The following GPR19 variants were observed in gnomAD, a reference collection of about 807,000 sequenced individuals.
GPR19 encodes probable G protein-coupled receptor 19.
A neutral mutation model predicts 28.5 loss-of-function variants in GPR19; 14 were observed. The observed-to-expected ratio is 0.49, with a 90% CI of 0.32 to 0.77. GPR19 has a LOEUF of 0.77. Ranked by LOEUF, GPR19 falls within the 30% of genes least tolerant of loss-of-function variation. The pLI is 0.03. For missense variants in GPR19, 409 were observed against 504.1 expected (o/e 0.81, Z 1.81); for synonymous variants, 173 against 184.1 (o/e 0.94, Z 0.49).
chr12:12,707,136 C>CA, the GPR19 span, among the ~76,000 whole-genome samples: 3 of 152,192 alleles, frequency 2.0e-5, no homozygotes, highest in Admixed American at 2.0e-4. Flanking sequence ...CTATCCCAGA[C>CA]ACATTCCTAC....
chr12:12,680,892 T>A (rs759998093), intron 3 of GPR19, among the ~76,000 whole-genome samples: 5 of 152,174 alleles, frequency 3.3e-5, no homozygotes, highest in African/African-American at 4.8e-5. Context: ...TTTCAGCATG[T>A]TGGCCAGGCT....
intron 3 of GPR19, among the ~76,000 whole-genome samples, chr12:12,678,073 CAAAAAAA>C (rs56014911): frequency 8.5e-4 from 39 of 46,138 alleles, no homozygotes; most frequent in Admixed American, 5.7e-3. Context: ...GACTCTGTCT[CAAAAAAA>C]AAAAAAAAAA....
chr12:12,664,124 G>A (rs1277654923), intron 3 of GPR19, among the ~76,000 whole-genome samples: 3 of 152,020 alleles, frequency 2.0e-5, no homozygotes, highest in Non-Finnish European at 2.9e-5. Flanking sequence ...CGAGTAGTTG[G>A]GACTAGAGGC....
At chr12:12,707,125 A>C in the GPR19 span, among the ~76,000 whole-genome samples, 7 of 152,120 alleles carry the variant, frequency 4.6e-5, no homozygotes, top group African/African-American at 1.7e-4. Context: ...TTGTCCCTCA[A>C]CTATCCCAGA....
intron 3 of GPR19, among the ~76,000 whole-genome samples, chr12:12,677,640 T>C (rs1441864349): frequency 2.6e-5 from 4 of 152,194 alleles, no homozygotes; most frequent in Admixed American, 2.6e-4. Flanking sequence ...TGTGACTATA[T>C]GAAAACATGG....
the GPR19 span, among the ~76,000 whole-genome samples, chr12:12,713,293 G>C: frequency 6.6e-6 from 1 of 151,944 alleles, no homozygotes; most frequent in Non-Finnish European, 1.5e-5. Flanking sequence ...TTGAACTCCT[G>C]ACCTCAAGTG....
At chr12:12,704,172 G>A in the GPR19 span, among the ~76,000 whole-genome samples, 1 of 152,190 alleles carries the variant, frequency 6.6e-6, no homozygotes, top group African/African-American at 2.4e-5. Flanking sequence ...GTTAAGGGTT[G>A]TAATACTTAA....
chr12:12,665,812 T>A (rs1387338991), intron 3 of GPR19, among the ~76,000 whole-genome samples: 3 of 80,978 alleles, frequency 3.7e-5, no homozygotes, highest in Admixed American at 2.3e-4. Context: ...AAAGCCAGAC[T>A]CCGTCTCAAA....
the GPR19 span, among the ~76,000 whole-genome samples, chr12:12,710,139 G>A: frequency 1.3e-5 from 2 of 152,170 alleles, no homozygotes; most frequent in Admixed American, 6.5e-5. Context: ...ATCACCTGAG[G>A]TCAGGAGTTC....
Position 12,661,543 on chromosome 12 carries a change from T to C in GPR19, c.906A>G (p.Glu302=). 6.2e-7 allele frequency: 1 copy of C among 1,613,832 alleles called. No individual in the cohort carries two copies. Among genetic ancestry groups the C allele is most frequent in the East Asian group, 2.2e-5 (1 of 44,886 alleles). ...FHVAQLWHPH[E]QDYKKSSLVF... ...CAAGGGAACTTTTCTTATAGTCTTG[T>C]TCATGGGGGTGCCATAGCTGAGCTA... The change falls in exon 4 of 4, where the codon GAA becomes GAG. Residue 302 remains glutamate (E), a synonymous_variant. Coordinates refer to ENST00000651487, the MANE Select transcript of GPR19 (RefSeq NM_006143.3). The surrounding 1 kb of genome is among the most constrained non-coding windows in gnomAD (Gnocchi z 4.2).
intron 3 of GPR19, among the ~76,000 whole-genome samples, chr12:12,681,588 C>T (rs1242623298): frequency 6.6e-6 from 1 of 152,108 alleles, no homozygotes; most frequent in Non-Finnish European, 1.5e-5. Flanking sequence ...TCTGAGAAGC[C>T]CTGCATGTGT....
At chr12:12,712,799 C>T in the GPR19 span, among the ~76,000 whole-genome samples, 1 of 152,058 alleles carries the variant, frequency 6.6e-6, no homozygotes, top group African/African-American at 2.4e-5. Context: ...TTCTGAGTTG[C>T]TGGGGCTACA....
intron 2 of GPR19, among the ~76,000 whole-genome samples, chr12:12,685,709 C>G (rs748795984): frequency 4.6e-5 from 7 of 152,182 alleles, no homozygotes; most frequent in Non-Finnish European, 5.9e-5. Flanking sequence ...AATAGTTACT[C>G]TCCCCATCCT....
chr12:12,695,575 C>G (rs1946249343), intron 1 of GPR19, 64 bp from the exon 2 acceptor site: 1 of 152,250 alleles, frequency 6.6e-6, no homozygotes, highest in Non-Finnish European at 1.5e-5. Flanking sequence ...TTCCTGACTT[C>G]TGTTACCGCG....
At chr12:12,680,791 C>T (rs752362455) in intron 3 of GPR19, among the ~76,000 whole-genome samples, 4 of 152,218 alleles carry the variant, frequency 2.6e-5, no homozygotes, top group East Asian at 3.9e-4. Context: ...CGGGTTCAAG[C>T]GATTCTCCTG....
the GPR19 span, among the ~76,000 whole-genome samples, chr12:12,712,827 C>G: frequency 6.6e-6 from 1 of 152,132 alleles, no homozygotes; most frequent in Non-Finnish European, 1.5e-5. Flanking sequence ...GCCACCAGGC[C>G]TGGTTCCAAC....
the GPR19 span, among the ~76,000 whole-genome samples, chr12:12,701,775 G>A: frequency 3.3e-5 from 5 of 151,918 alleles, no homozygotes; most frequent in Non-Finnish European, 2.9e-5. Flanking sequence ...TACAAAATAT[G>A]AAAACTTTAG....
At position 12,692,311 on chromosome 12, in the gene GPR19, C is replaced by T. The variant is rs563780056; in HGVS notation, c.-180+3148G>A. On this transcript the variant is annotated intron_variant, in intron 2 of 3. Coordinates refer to ENST00000651487, the MANE Select transcript of GPR19 (RefSeq NM_006143.3). ...AACTCCAGAAAGACCTTTAGCTTTTCCCTGCTGAAGTCTATTCCTCTCTTT... is the reference window on the plus strand; with the variant it reads ...AACTCCAGAAAGACCTTTAGCTTTTTCCTGCTGAAGTCTATTCCTCTCTTT... Among the ~76,000 whole-genome samples, 27 of 152,326 alleles carry T rather than the reference C, an allele frequency of 1.8e-4. 1 individual carries two copies. In the East Asian group the frequency reaches 3.5e-3, roughly 20 times the overall value.
At chr12:12,716,827 G>C in the GPR19 span, 55 of 984,868 alleles carry the variant, frequency 5.6e-5, no homozygotes, top group Non-Finnish European at 6.4e-5. Flanking sequence ...CCCCAGCAAA[G>C]GCACGCCGGC....
Sources: gnomAD v4.1 joint callset for allele counts (sites outside exome capture counted in the v4.1 genomes callset) on GRCh38, gnomAD v4.1.1 for gene constraint, Gnocchi (gnomAD v3.1) non-coding constraint, MANE v1.5 for transcripts, NCBI Gene and HGNC (gene_info 2026-07-23, HGNC 2026-07-21) for gene names.